TMEM135: variants seen among roughly 807,000 people sequenced by gnomAD.
The protein encoded by TMEM135 is peroxisomal membrane protein 52.
A neutral mutation model predicts 60.3 loss-of-function variants in TMEM135; 30 were observed. The ratio of observed to expected loss-of-function variants is 0.50; its 90% confidence interval spans 0.37 to 0.68. The LOEUF (loss-of-function observed/expected upper bound fraction) is 0.68, where lower values mean the gene tolerates loss of function less well. Ranked by LOEUF, TMEM135 falls within the 30% of genes least tolerant of loss-of-function variation. The probability of loss-of-function intolerance (pLI) is 0.00; values close to 1 mark genes in which losing one functional copy is unlikely to be tolerated. For synonymous variants in TMEM135, 190 were observed against 186.7 expected (o/e 1.02, Z -0.14); for missense variants, 468 against 548.8 (o/e 0.85, Z 1.47).
chr11:87,191,743 T>C (rs11235006), intron 5 of TMEM135, among the ~76,000 whole-genome samples: 3,089 of 152,290 alleles, frequency 0.02, 48 homozygotes, highest in Non-Finnish European at 0.03. Flanking sequence ...ATGTGTTGTG[T>C]AGTTTCTTTT....
intron 5 of TMEM135, among the ~76,000 whole-genome samples, chr11:87,200,037 T>A (rs1940058577): frequency 6.6e-6 from 1 of 152,230 alleles, no homozygotes; most frequent in Non-Finnish European, 1.5e-5. Flanking sequence ...TTCAATTTAA[T>A]CTTCAATATG....
intron 1 of TMEM135, among the ~76,000 whole-genome samples, chr11:87,065,669 A>C (rs1245268657): frequency 6.6e-6 from 1 of 152,126 alleles, no homozygotes; most frequent in Non-Finnish European, 1.5e-5. Context: ...TTGAATTTTG[A>C]TGAAGTTCAG....
chr11:87,111,511 C>T (rs925105784), intron 4 of TMEM135, among the ~76,000 whole-genome samples: 1 of 151,494 alleles, frequency 6.6e-6, no homozygotes, highest in Non-Finnish European at 1.5e-5. Flanking sequence ...ATTAGCCAGG[C>T]GTGGTGGTGG....
intron 6 of TMEM135, among the ~76,000 whole-genome samples, chr11:87,237,721 T>G (rs1360404691): frequency 6.6e-6 from 1 of 151,994 alleles, no homozygotes; most frequent in Non-Finnish European, 1.5e-5. Flanking sequence ...GTACAATTTA[T>G]TATTGACTAT....
At chr11:87,176,259 G>A (rs1185399783) in intron 5 of TMEM135, among the ~76,000 whole-genome samples, 2 of 151,966 alleles carry the variant, frequency 1.3e-5, no homozygotes, top group African/African-American at 4.8e-5. Flanking sequence ...GAAAGAGCCT[G>A]GCACCTCCCT....
chr11:87,138,312 A>C (rs946164132), intron 4 of TMEM135, among the ~76,000 whole-genome samples: 1 of 152,136 alleles, frequency 6.6e-6, no homozygotes, highest in East Asian at 1.9e-4. Context: ...GCTGGTCTCA[A>C]GCTCGTGACC....
chr11:87,053,655 C>T (rs1331846728), intron 1 of TMEM135, among the ~76,000 whole-genome samples: 1 of 152,102 alleles, frequency 6.6e-6, no homozygotes, highest in South Asian at 2.1e-4. Context: ...GTTTTCATCC[C>T]CAAGGACTTA....
chr11:87,145,406 T>G (rs182054981), intron 4 of TMEM135, among the ~76,000 whole-genome samples: 55 of 152,348 alleles, frequency 3.6e-4, no homozygotes, highest in African/African-American at 1.3e-3. Context: ...TGCAGACATC[T>G]CTTCAACAAA....
chr11:87,177,612 A>G (rs1939411723), intron 5 of TMEM135, among the ~76,000 whole-genome samples: 2 of 152,128 alleles, frequency 1.3e-5, no homozygotes, highest in Non-Finnish European at 2.9e-5. Flanking sequence ...TCTAAAAAAT[A>G]TTTGTTGCTA....
At chr11:87,196,603 T>G (rs898420002) in intron 5 of TMEM135, among the ~76,000 whole-genome samples, 3 of 152,126 alleles carry the variant, frequency 2.0e-5, no homozygotes, top group Non-Finnish European at 2.9e-5. Flanking sequence ...GGGAATTTGA[T>G]GGGGGGAACC....
At chr11:87,061,622 C>G (rs1453883626) in intron 1 of TMEM135, among the ~76,000 whole-genome samples, 3 of 152,174 alleles carry the variant, frequency 2.0e-5, no homozygotes, top group African/African-American at 4.8e-5. Context: ...CTCACAGTAA[C>G]TACTAATTTA....
intron 5 of TMEM135, among the ~76,000 whole-genome samples, chr11:87,198,099 CTTG>C (rs1444339006): frequency 6.6e-6 from 1 of 152,060 alleles, no homozygotes; most frequent in Non-Finnish European, 1.5e-5. Flanking sequence ...GCCCTCTCTT[CTTG>C]TTATTTTTAA....
rs1163719572 is a variant in TMEM135, at chr11:87,257,883, A to C, written c.509+21199A>C. 2.0e-5 allele frequency among the ~76,000 whole-genome samples: 3 copies of C among 152,154 alleles called. No homozygotes were observed. In the East Asian group the frequency reaches 5.8e-4, roughly 29 times the overall value. On this transcript the variant is annotated intron_variant, in intron 6 of 14. Coordinates refer to ENST00000305494, the MANE Select transcript of TMEM135 (RefSeq NM_022918.4). ...TGTATAATATTTCAATGGTATCTCA[A>C]TAAAACTGTGAATGTATTTTTAAAT...
chr11:87,243,566 C>T (rs1941189730), intron 6 of TMEM135, among the ~76,000 whole-genome samples: 1 of 94,008 alleles, frequency 1.1e-5, no homozygotes, highest in Non-Finnish European at 2.5e-5. Flanking sequence ...AGAGGTCCTT[C>T]ATGTCCCTTG....
intron 5 of TMEM135, chr11:87,157,620 C>A: frequency 2.1e-6 from 1 of 471,674 alleles, no homozygotes; most frequent in Non-Finnish European, 3.8e-6. Context: ...GTCTTTTTAC[C>A]TTTAGTTATC....
chr11:87,090,201 A>G (rs1857178088), intron 3 of TMEM135, among the ~76,000 whole-genome samples: 1 of 152,062 alleles, frequency 6.6e-6, no homozygotes, highest in African/African-American at 2.4e-5. Context: ...TATTGGTGAT[A>G]ATGTAAATTT....
intron 6 of TMEM135, among the ~76,000 whole-genome samples, chr11:87,241,895 T>A (rs1941143826): frequency 6.6e-6 from 1 of 152,080 alleles, no homozygotes; most frequent in East Asian, 1.9e-4. Flanking sequence ...AGGGTACATG[T>A]GCACAATGTG....
intron 1 of TMEM135, among the ~76,000 whole-genome samples, chr11:87,042,977 CAG>C (rs1337077500): frequency 7.0e-6 from 1 of 142,078 alleles, no homozygotes; most frequent in African/African-American, 2.8e-5. Flanking sequence ...TTTTTTGAGA[CAG>C]AGTTTCGCTC....
chr11:87,299,080 A>G (rs374981845), intron 7 of TMEM135, among the ~76,000 whole-genome samples: 4 of 151,948 alleles, frequency 2.6e-5, no homozygotes, highest in African/African-American at 7.3e-5. Flanking sequence ...AAGAGCAAAA[A>G]CTCCATCTCA....
Sources: allele counts gnomAD v4.1 joint callset (sites outside exome capture counted in the v4.1 genomes callset), GRCh38; gene constraint gnomAD v4.1.1; transcripts MANE v1.5; gene names NCBI Gene and HGNC (gene_info 2026-07-23, HGNC 2026-07-21).